CAND1: variants seen among roughly 807,000 people sequenced by gnomAD.
CAND1 encodes cullin associated and neddylation dissociated 1.
A neutral mutation model predicts 108.5 loss-of-function variants in CAND1; 7 were observed. The ratio of observed to expected loss-of-function variants is 0.06; its 90% CI spans 0.04 to 0.12. The LOEUF (loss-of-function observed/expected upper bound fraction) is 0.12, where lower values mean the gene tolerates loss of function less well. Ranked by LOEUF, CAND1 falls within the 10% of genes least tolerant of loss-of-function variation. CAND1 has a pLI of 1.00. For synonymous variants in CAND1, 534 were observed against 512.0 expected, an observed-to-expected ratio of 1.04 and a Z score of -0.58; for missense variants, 941 against 1,448.7, an observed-to-expected ratio of 0.65 and a Z score of 5.69.
At chr12:67,269,818 G>T (rs749804059) in intron 1 of CAND1, 33 bp downstream of exon 1, 1 of 1,581,382 alleles carries the variant, frequency 6.3e-7, no homozygotes, top group Non-Finnish European at 8.6e-7. Flanking sequence ...ACCCCACCTC[G>T]GGGTTCTCGC....
At position 67,315,701 on chromosome 12, in the gene CAND1, T is replaced by G. The variant is rs1174968094; in HGVS notation, c.*2871T>G. On this transcript the variant is annotated 3_prime_UTR_variant, in exon 15 of 15. Coordinates refer to ENST00000545606, the MANE Select transcript of CAND1 (RefSeq NM_018448.5). Reference sequence around the variant, plus strand: ...ACCATAATTAAACCAAATTAGTCTTTTTTTCTTCATACTTTTCTTCGGTAA... The same window carrying G: ...ACCATAATTAAACCAAATTAGTCTTGTTTTCTTCATACTTTTCTTCGGTAA... The G allele has an allele frequency of 1.3e-5, 2 of 152,186 alleles. No individual in the cohort carries two copies. Among genetic ancestry groups the G allele is most frequent in the Non-Finnish European group, 2.9e-5 (2 of 68,014 alleles). 9.4% of individuals were successfully genotyped at this position (152,186 alleles called of 1,614,324 possible). A position where few individuals can be genotyped will look rare whatever the true frequency, so the allele number is the denominator to read the frequency against.
At chr12:67,269,906 C>G (rs2044501501) in intron 1 of CAND1, 121 bp downstream of exon 1, 3 of 750,098 alleles carry the variant, frequency 4.0e-6, no homozygotes, top group Non-Finnish European at 6.5e-6. Flanking sequence ...CCCGAAGTCT[C>G]CAGCCCACCG....
intron 6 of CAND1, 23 bp from the exon 7 acceptor site, chr12:67,298,927 G>C: frequency 2.1e-6 from 3 of 1,445,722 alleles, no homozygotes; most frequent in Non-Finnish European, 2.9e-6. Flanking sequence ...GCTCTTCAAG[G>C]CAGCTTTTGT....
rs1288701986 is a variant in CAND1 at position 67,269,683 on chromosome 12, C to T, written c.-35C>T. 1 of 1,577,708 alleles carries T rather than the reference C, an allele frequency of 6.3e-7. No homozygotes were observed. The highest frequency in any genetic ancestry group is 2.4e-5 in the East Asian group (1 of 42,336). On this transcript the variant is annotated 5_prime_UTR_variant, in exon 1 of 15. Transcript: ENST00000545606. The stretch of plus-strand genomic sequence containing the variant: ...CGGCAGCGGCAGCGGGCAGCAGCTC[C>T]AGCAGCGCCAGCAGGCGGGATCGAG...
At chr12:67,298,014 G>T (rs1395769350) in intron 6 of CAND1, among the ~76,000 whole-genome samples, 161 bp downstream of exon 6, 2 of 152,016 alleles carry the variant, frequency 1.3e-5, no homozygotes, top group South Asian at 2.1e-4. Context: ...ATAAAATGTG[G>T]TCATCACATT....
intron 1 of CAND1, among the ~76,000 whole-genome samples, chr12:67,278,817 GC>G (rs756099248): frequency 7.2e-5 from 11 of 152,144 alleles, no homozygotes; most frequent in African/African-American, 1.2e-4. Context: ...CTGGCACCTG[GC>G]CCCATAGTGT....
chr12:67,287,956 A>C (rs1403320582), intron 2 of CAND1, among the ~76,000 whole-genome samples: 1 of 143,446 alleles, frequency 7.0e-6, no homozygotes, highest in African/African-American at 2.6e-5. Context: ...ATTGAATTCT[A>C]CTGTGGTCAG....
intron 10 of CAND1, 90 bp downstream of exon 10, chr12:67,306,687 A>G (rs566107157): frequency 1.2e-5 from 12 of 1,002,096 alleles, no homozygotes; most frequent in South Asian, 1.0e-4. Flanking sequence ...AGCCATGTCT[A>G]TATTTTCTTA....
At chr12:67,285,751 C>G (rs2044664407) in intron 2 of CAND1, among the ~76,000 whole-genome samples, 1 of 152,246 alleles carries the variant, frequency 6.6e-6, no homozygotes, top group South Asian at 2.1e-4. Context: ...ATTAGTTTTG[C>G]CTGTTACAAA....
chr12:67,299,019 T>C lies in CAND1; in HGVS notation c.924T>C (p.Asp308=). Residue 308 remains aspartate (D), a synonymous_variant, in exon 7 of 15, where the codon GAT becomes GAC. Transcript: ENST00000545606. ...INICLKYLTY[D]PNYNYDDEDE... is the part of the protein sequence containing the mutation. The stretch of plus-strand genomic sequence containing the variant: ...TTTGTCTTAAATATCTTACCTATGA[T>C]CCAAATTATAATTACGATGATGAAG... 6.7e-7 allele frequency: 1 copy of C among 1,503,550 alleles called. No individual in the cohort carries two copies. Among genetic ancestry groups the C allele is most frequent in the East Asian group, 2.3e-5 (1 of 44,084 alleles). The allele number at this position is 1,503,550 out of a possible 1,614,324, so 93.1% of individuals were successfully genotyped here. A position where few individuals can be genotyped will look rare whatever the true frequency, so the allele number is the denominator to read the frequency against.
intron 1 of CAND1, among the ~76,000 whole-genome samples, chr12:67,277,962 T>C (rs1004573476): frequency 6.6e-6 from 1 of 152,194 alleles, no homozygotes; most frequent in Non-Finnish European, 1.5e-5. Context: ...GTAATGTTTC[T>C]GAAATGTAAA....
At chr12:67,299,351 A>T (rs1215614127) in intron 7 of CAND1, among the ~76,000 whole-genome samples, 2 of 152,116 alleles carry the variant, frequency 1.3e-5, no homozygotes, top group East Asian at 3.9e-4. Context: ...TGTAGCAAAA[A>T]TTGCTCACCA....
Position 67,292,685 on chromosome 12 carries a change from C to T in CAND1, c.276C>T (p.Cys92=), listed in dbSNP as rs2044733674. The part of the protein sequence containing the change: ...YQVETIVDTL[C]TNMLSDKEQL... ...TAGAGACAATTGTAGATACCCTCTGCACTAACATGCTTTCTGATAAAGAAC... is the reference window on the plus strand; with the variant it reads ...TAGAGACAATTGTAGATACCCTCTGTACTAACATGCTTTCTGATAAAGAAC... Residue 92 remains cysteine, a synonymous_variant, in exon 3 of 15, where the codon TGC becomes TGT. Transcript: ENST00000545606. 3 of 1,612,952 alleles carry T rather than the reference C, an allele frequency of 1.9e-6. No homozygotes were observed. The highest frequency in any genetic ancestry group is 8.5e-7 in the Non-Finnish European group (1 of 1,179,176).
At position 67,282,205 on chromosome 12, in the gene CAND1, G is replaced by C. The variant is rs963695922; in HGVS notation, c.212+152G>C. 4.3e-6 allele frequency: 3 copies of C among 692,160 alleles called. No individual in the cohort carries two copies. In the African/African-American group the frequency reaches 5.5e-5, roughly 13 times the overall value. 42.9% of individuals were successfully genotyped at this position (692,160 alleles called of 1,614,324 possible). A position where few individuals can be genotyped will look rare whatever the true frequency, so the allele number is the denominator to read the frequency against. ...TTTAGGTGACTAATGTTTAGTGTTT[G>C]TATATGGTATATATAGTGTATTTCC... On this transcript the variant is annotated intron_variant, in intron 2 of 14. Coordinates refer to ENST00000545606, the MANE Select transcript of CAND1 (RefSeq NM_018448.5).
At position 67,299,060 on chromosome 12, in the gene CAND1, C is replaced by T; in HGVS notation, c.965C>T (p.Ala322Val). 1 of 1,511,310 alleles carries T rather than the reference C, an allele frequency of 6.6e-7. No homozygotes were observed. The highest frequency in any genetic ancestry group is 9.1e-7 in the Non-Finnish European group (1 of 1,093,796). The allele number at this position is 1,511,310 out of a possible 1,614,324, so 93.6% of individuals were successfully genotyped here. Reference sequence around the variant, plus strand: ...GATGATGAAGATGAAGATGAAAATGCAATGGATGCTGATGGTGGTGATGAT... The same window carrying T: ...GATGATGAAGATGAAGATGAAAATGTAATGGATGCTGATGGTGGTGATGAT... ...NYDDEDEDEN[A>V]MDADGGDDDD... Residue 322 changes from alanine (A) to valine (V), a missense_variant, in exon 7 of 15, where the codon GCA becomes GTA. Around this residue, in one of 9 missense-constraint regions of CAND1, gnomAD observed 697 missense variants for 942.0 expected, o/e 0.74. Coordinates refer to ENST00000545606, the MANE Select transcript of CAND1 (RefSeq NM_018448.5).
At chr12:67,312,564 T>C (rs1006758896) in intron 14 of CAND1, 42 bp from the exon 15 acceptor site, 5 of 1,367,184 alleles carry the variant, frequency 3.7e-6, no homozygotes, top group African/African-American at 2.9e-5. Context: ...ATGTAAGAGC[T>C]GTCTTTTATA....
intron 2 of CAND1, among the ~76,000 whole-genome samples, chr12:67,285,187 T>G (rs956122851): frequency 5.3e-5 from 8 of 152,176 alleles, no homozygotes; most frequent in African/African-American, 7.2e-5. Flanking sequence ...GACCTTGTAT[T>G]GCAGTGTTGT....
At chr12:67,299,172 G>T in intron 7 of CAND1, 77 bp downstream of exon 7, 1 of 1,333,306 alleles carries the variant, frequency 7.5e-7, no homozygotes, top group Non-Finnish European at 9.9e-7. Flanking sequence ...AGTCCAAATT[G>T]TACTGTTTGT....
Position 67,307,257 on chromosome 12 carries a change from T to C in CAND1, c.2930-140T>C, listed in dbSNP as rs993810136. ...AATTTTGCTCCTTTGGATTCATGTG[T>C]GCAATAAGAAATACCCTTCTTGGCC... On this transcript the variant is annotated intron_variant, in intron 10 of 14. Transcript: ENST00000545606. 8.0e-6 allele frequency: 5 copies of C among 627,784 alleles called. No homozygotes were observed. In the African/African-American group the frequency reaches 9.2e-5, roughly 11 times the overall value. The allele number at this position is 627,784 out of a possible 1,614,324, so 38.9% of individuals were successfully genotyped here.
Sources: gnomAD v4.1 joint callset for allele counts (sites outside exome capture counted in the v4.1 genomes callset) on GRCh38, gnomAD v4.1.1 for gene constraint, gnomAD v4.1.1 regional missense constraint, MANE v1.5 for transcripts, NCBI Gene and HGNC (gene_info 2026-07-23, HGNC 2026-07-21) for gene names.